CLSTN2: variants seen among roughly 807,000 people sequenced by gnomAD.
The protein encoded by CLSTN2 is calsyntenin 2, also known as calsyntenin-2.
CLSTN2 carries 48 observed loss-of-function variants against 101.2 expected under a neutral mutation model. The observed-to-expected ratio is 0.47, with a 90% CI of 0.38 to 0.60. The LOEUF (loss-of-function observed/expected upper bound fraction) is 0.60, where lower values mean the gene tolerates loss of function less well. Ranked by LOEUF, CLSTN2 falls within the 20% of genes least tolerant of loss-of-function variation. The probability of loss-of-function intolerance (pLI) is 0.00; values close to 1 mark genes in which losing one functional copy is unlikely to be tolerated. For synonymous variants in CLSTN2, 481 were observed against 463.6 expected (o/e 1.04, Z -0.48); for missense variants, 1,160 against 1,238.2 (o/e 0.94, Z 0.95).
chr3:139,990,948 C>G (rs991958496), intron 1 of CLSTN2, among the ~76,000 whole-genome samples: 7 of 152,150 alleles, frequency 4.6e-5, no homozygotes, highest in African/African-American at 1.7e-4. Context: ...ATAGCCAGCT[C>G]ATTATATAAA....
intron 1 of CLSTN2, among the ~76,000 whole-genome samples, chr3:140,151,823 A>G (rs1324084106): frequency 6.6e-6 from 1 of 152,222 alleles, no homozygotes; most frequent in Non-Finnish European, 1.5e-5. Flanking sequence ...CAAGACAATC[A>G]TGGGGACTTG....
chr3:140,286,134 T>C (rs2086893856), intron 2 of CLSTN2, among the ~76,000 whole-genome samples: 1 of 152,134 alleles, frequency 6.6e-6, no homozygotes, highest in African/African-American at 2.4e-5. Flanking sequence ...TGAGCAGCTG[T>C]GGTCCACAAC....
At chr3:139,995,844 G>A (rs946884422) in intron 1 of CLSTN2, among the ~76,000 whole-genome samples, 11 of 152,192 alleles carry the variant, frequency 7.2e-5, no homozygotes, top group African/African-American at 1.9e-4. Context: ...GGAAATTGCC[G>A]ATCTTCAATT....
At chr3:140,438,841 CT>C (rs2088714749) in intron 5 of CLSTN2, among the ~76,000 whole-genome samples, 1 of 152,154 alleles carries the variant, frequency 6.6e-6, no homozygotes, top group East Asian at 1.9e-4. Flanking sequence ...ATCAGTTCTG[CT>C]GGATGTGTTT....
intron 2 of CLSTN2, among the ~76,000 whole-genome samples, chr3:140,194,730 C>T (rs1182492386): frequency 6.6e-6 from 1 of 152,170 alleles, no homozygotes; most frequent in East Asian, 1.9e-4. Flanking sequence ...TCTCCTTGGG[C>T]TTCATTGACA....
intron 1 of CLSTN2, among the ~76,000 whole-genome samples, chr3:140,031,629 T>C (rs1014429425): frequency 3.3e-5 from 5 of 152,192 alleles, no homozygotes; most frequent in Non-Finnish European, 5.9e-5. Flanking sequence ...GGTTTGAATA[T>C]GGAGGGATAT....
chr3:140,510,403 G>A (rs1329713643), intron 8 of CLSTN2, among the ~76,000 whole-genome samples: 1 of 152,184 alleles, frequency 6.6e-6, no homozygotes, highest in African/African-American at 2.4e-5. Context: ...GTGCTAGAGT[G>A]CTAGGCACAT....
In CLSTN2 at chr3:140,381,760, C is replaced by T. The variant is rs1217687071; in HGVS notation, c.233-21869C>T. ...AGATGTTTCCAGCAAAAGCATAGTGCCAGAAACAGGCTGGTGATAAATCAG... is the reference window on the plus strand; with the variant it reads ...AGATGTTTCCAGCAAAAGCATAGTGTCAGAAACAGGCTGGTGATAAATCAG... On this transcript the variant is annotated intron_variant, in intron 2 of 16. Transcript: ENST00000458420. Among the ~76,000 whole-genome samples the T allele has an allele frequency of 3.3e-5, 5 of 152,316 alleles. No homozygotes were observed. In the East Asian group the frequency reaches 7.7e-4, roughly 23 times the overall value.
intron 9 of CLSTN2, among the ~76,000 whole-genome samples, chr3:140,545,991 T>C (rs1223564611): frequency 6.6e-6 from 1 of 152,184 alleles, no homozygotes; most frequent in Non-Finnish European, 1.5e-5. Context: ...CAGTGGAATG[T>C]AGGGAAGCAA....
At chr3:140,191,181 G>A (rs1334898375) in intron 2 of CLSTN2, among the ~76,000 whole-genome samples, 1 of 151,972 alleles carries the variant, frequency 6.6e-6, no homozygotes, top group African/African-American at 2.4e-5. Flanking sequence ...ATATGAATAT[G>A]TAATTTTTTT....
chr3:140,381,375 T>G (rs1257357247), intron 2 of CLSTN2, among the ~76,000 whole-genome samples: 1 of 152,166 alleles, frequency 6.6e-6, no homozygotes, highest in Admixed American at 6.5e-5. Flanking sequence ...ACATCTTTTT[T>G]GGGGGGACAC....
chr3:140,100,170 C>A (rs2008941965), intron 1 of CLSTN2, among the ~76,000 whole-genome samples: 2 of 148,648 alleles, frequency 1.3e-5, no homozygotes, highest in East Asian at 2.0e-4. Flanking sequence ...TTGAACCATG[C>A]AACTTTTGTA....
At chr3:140,354,856 C>T (rs966615114) in intron 2 of CLSTN2, among the ~76,000 whole-genome samples, 2 of 152,234 alleles carry the variant, frequency 1.3e-5, no homozygotes, top group Non-Finnish European at 2.9e-5. Context: ...TCAACATTTA[C>T]CTTTATAAGG....
At chr3:140,207,355 C>T (rs1047182346) in intron 2 of CLSTN2, among the ~76,000 whole-genome samples, 1 of 152,144 alleles carries the variant, frequency 6.6e-6, no homozygotes, top group Non-Finnish European at 1.5e-5. Flanking sequence ...TAAAGATTCA[C>T]CATTCCCATC....
At chr3:140,240,152 G>GTCTC (rs1491524600) in intron 2 of CLSTN2, among the ~76,000 whole-genome samples, 97 of 62,776 alleles carry the variant, frequency 1.5e-3, no homozygotes, top group African/African-American at 5.9e-3. Context: ...CTCTCTCTCT[G>GTCTC]TCTCTCTCTC....
intron 8 of CLSTN2, among the ~76,000 whole-genome samples, chr3:140,504,275 T>G (rs866218674): frequency 2.0e-5 from 3 of 151,976 alleles, no homozygotes; most frequent in Non-Finnish European, 4.4e-5. Context: ...TAACAAGGGG[T>G]CCTTCTTGAA....
intron 1 of CLSTN2, among the ~76,000 whole-genome samples, chr3:140,009,344 G>A (rs992559135): frequency 6.6e-6 from 1 of 151,972 alleles, no homozygotes; most frequent in South Asian, 2.1e-4. Flanking sequence ...TAATTCATGG[G>A]CATTTTACAA....
At chr3:140,164,941 GGATGGATGGATT>G (rs2010111881) in intron 1 of CLSTN2, among the ~76,000 whole-genome samples, 1 of 152,062 alleles carries the variant, frequency 6.6e-6, no homozygotes, top group East Asian at 1.9e-4. Flanking sequence ...ATGGGTGGGT[GGATGGATGGATT>G]GATGGATGGA....
Position 140,418,060 on chromosome 3 carries a change from T to C in CLSTN2, c.638-3065T>C, listed in dbSNP as rs543451733. On this transcript the variant is annotated intron_variant, in intron 4 of 16. Transcript: ENST00000458420. The stretch of plus-strand genomic sequence containing the variant: ...TTGGTCTGCTTAATGTTGTACACAT[T>C]GTAAACTCTGAGCCTTCCTTTTGTA... Among the ~76,000 whole-genome samples the C allele has an allele frequency of 1.1e-4, 16 of 152,364 alleles. No homozygotes were observed. The South Asian group carries it at 2.9e-3, about 28-fold the overall frequency.
Sources: gnomAD v4.1 joint callset for allele counts (sites outside exome capture counted in the v4.1 genomes callset) on GRCh38, gnomAD v4.1.1 for gene constraint, MANE v1.5 for transcripts, NCBI Gene and HGNC (gene_info 2026-07-23, HGNC 2026-07-21) for gene names.